RBM45: variants seen among roughly 807,000 people sequenced by gnomAD.
RBM45 encodes the protein RNA binding motif protein 45.
In RBM45, 39 loss-of-function variants were observed where a neutral mutation model predicts 58.5. The ratio of observed to expected loss-of-function variants is 0.67; its 90% confidence interval spans 0.52 to 0.87. The LOEUF (loss-of-function observed/expected upper bound fraction) is 0.87, where lower values mean the gene tolerates loss of function less well. Among genes scored for constraint, RBM45 ranks in the 40% least tolerant of loss-of-function variants. RBM45 has a pLI of 0.00. For synonymous variants in RBM45, 193 were observed against 203.0 expected (o/e 0.95, Z 0.42); for missense variants, 481 against 581.6 (o/e 0.83, Z 1.78).
At chr2:178,116,912 G>A (rs1020485242) in intron 2 of RBM45, among the ~76,000 whole-genome samples, 2 of 152,042 alleles carry the variant, frequency 1.3e-5, no homozygotes, top group African/African-American at 4.8e-5. Flanking sequence ...TCTTTGAAGA[G>A]TTTTTGTCCT....
At chr2:178,118,222 A>G in intron 3 of RBM45, 41 bp downstream of exon 3, 1 of 1,544,762 alleles carries the variant, frequency 6.5e-7, no homozygotes, top group Non-Finnish European at 8.8e-7. Flanking sequence ...TTTGTAAAAA[A>G]TTCTGATTAT....
chr2:178,131,734 A>G (rs1293738960), downstream of RBM45, among the ~76,000 whole-genome samples: 1 of 152,224 alleles, frequency 6.6e-6, no homozygotes, highest in Non-Finnish European at 1.5e-5. Flanking sequence ...TGCATGTCTC[A>G]GTAAACAATG....
chr2:178,135,193 T>TAC (rs2088035614), intron 3 of RBM45, among the ~76,000 whole-genome samples: 1 of 152,196 alleles, frequency 6.6e-6, no homozygotes, highest in South Asian at 2.1e-4. Context: ...AGAAGAAGAT[T>TAC]TTAATCTGTT....
At chr2:178,119,052 C>CA in intron 3 of RBM45, among the ~76,000 whole-genome samples, 1 of 151,736 alleles carries the variant, frequency 6.6e-6, no homozygotes. Context: ...ATCTAATAGG[C>CA]AAAAAATAAA....
At position 178,124,033 on chromosome 2, in the gene RBM45, A is replaced by G. The variant is rs2087892601; in HGVS notation, c.1069-94A>G. ...ATTTTCAGAGCTATTGTGGAAGACC[A>G]CATAGATGCCATGATACATATCTGT... is the stretch of plus-strand genomic sequence containing the variant. On this transcript the variant is annotated intron_variant, in intron 7 of 9. Coordinates refer to ENST00000286070, the MANE Select transcript of RBM45 (RefSeq NM_152945.4). 3.4e-6 allele frequency: 5 copies of G among 1,476,990 alleles called. No homozygotes were observed. The South Asian group carries it at 6.1e-5, about 18-fold the overall frequency. 91.5% of individuals were successfully genotyped at this position (1,476,990 alleles called of 1,614,324 possible).
At position 178,124,241 on chromosome 2, in the gene RBM45, G is replaced by A. The variant is rs1312401553; in HGVS notation, c.1183G>A (p.Val395Met). 6.2e-7 allele frequency: 1 copy of A among 1,603,128 alleles called. No individual in the cohort carries two copies. Among genetic ancestry groups the A allele is most frequent in the Admixed American group, 1.7e-5 (1 of 59,166 alleles). ...ETPVKERLFI[V>M]FNPHPLPLDV... Reference sequence around the variant, plus strand: ...TCCTGTGAAAGAAAGACTTTTTATTGTGTTTAATCCTCATCCTTTACCTTT... The same window carrying A: ...TCCTGTGAAAGAAAGACTTTTTATTATGTTTAATCCTCATCCTTTACCTTT... The change falls in exon 8 of 10, where the codon GTG (valine) becomes ATG (methionine). Residue 395 changes from valine (V) to methionine (M), a missense_variant. Coordinates refer to ENST00000286070, the MANE Select transcript of RBM45 (RefSeq NM_152945.4).
chr2:178,128,697 G>GA (rs1434925035), intron 9 of RBM45, among the ~76,000 whole-genome samples: 1 of 152,180 alleles, frequency 6.6e-6, no homozygotes, highest in East Asian at 1.9e-4. Flanking sequence ...CAGGTTAGTT[G>GA]AAAATGGCTG....
chr2:178,118,251 A>T, intron 3 of RBM45, 70 bp downstream of exon 3: 1 of 1,440,754 alleles, frequency 6.9e-7, no homozygotes, highest in Non-Finnish European at 9.4e-7. Flanking sequence ...GCTGAATTTA[A>T]TATTAGTTTT....
intron 3 of RBM45, among the ~76,000 whole-genome samples, chr2:178,119,635 A>G (rs1443057976): frequency 1.3e-5 from 2 of 152,232 alleles, no homozygotes; most frequent in Admixed American, 6.5e-5. Flanking sequence ...AAGAATTCAA[A>G]CTGGCTGGTT....
At chr2:178,136,913 C>T (rs1374553437) in exon 4 of RBM45, 3 of 152,164 alleles carry the variant, frequency 2.0e-5, no homozygotes. Flanking sequence ...TAGATAAACT[C>T]ATTGTGAAAT....
At chr2:178,123,687 T>C in intron 6 of RBM45, 36 bp downstream of exon 6, 2 of 1,587,764 alleles carry the variant, frequency 1.3e-6, no homozygotes, top group Non-Finnish European at 1.7e-6. Flanking sequence ...AAGCCGAGCT[T>C]TGAGTGTACA....
At position 178,124,317 on chromosome 2, in the gene RBM45, T is replaced by G. The variant is rs752243855; in HGVS notation, c.1232+27T>G. 3.6e-6 allele frequency: 5 copies of G among 1,383,378 alleles called. No homozygotes were observed. In the African/African-American group the frequency reaches 7.3e-5, roughly 20 times the overall value. 85.7% of individuals were successfully genotyped at this position (1,383,378 alleles called of 1,614,324 possible). A position where few individuals can be genotyped will look rare whatever the true frequency, so the allele number is the denominator to read the frequency against. On this transcript the variant is annotated intron_variant, in intron 8 of 9. Coordinates refer to ENST00000286070, the MANE Select transcript of RBM45 (RefSeq NM_152945.4). ...TAAGAAAGTTACATTTTTTGTTATA[T>G]TTTATTTACACTAGTAATTTAATTA...
At chr2:178,135,820 G>A (rs1022332819) in intron 3 of RBM45, among the ~76,000 whole-genome samples, 38 of 152,148 alleles carry the variant, frequency 2.5e-4, no homozygotes, top group South Asian at 6.2e-4. Flanking sequence ...GCAAACCCTC[G>A]TCTCTCAGGA....
downstream of RBM45, among the ~76,000 whole-genome samples, chr2:178,132,901 T>C (rs147173448): frequency 1.6e-3 from 241 of 152,300 alleles, no homozygotes; most frequent in African/African-American, 5.7e-3. Flanking sequence ...ACTGTGGTTC[T>C]TTAACTTTGG....
At position 178,123,563 on chromosome 2, in the gene RBM45, T is replaced by G. The variant is rs777525516; in HGVS notation, c.895T>G (p.Tyr299Asp). ...GTATTTTAATGTAGCATCAGCTATT[T>G]ATGCAAAATACAAATTACATGGATT... ...VQYFNVASAI[Y>D]AKYKLHGFQY... Residue 299 changes from tyrosine (Y) to aspartate (D), a missense_variant, in exon 6 of 10, where the codon TAT (tyrosine) becomes GAT (aspartate). Tyr to Asp is a radical substitution (Grantham distance 160, BLOSUM62 -3). Coordinates refer to ENST00000286070, the MANE Select transcript of RBM45 (RefSeq NM_152945.4). 6.2e-7 allele frequency: 1 copy of G among 1,606,230 alleles called. No individual in the cohort carries two copies. Among genetic ancestry groups the G allele is most frequent in the Non-Finnish European group, 8.5e-7 (1 of 1,177,566 alleles).
rs767114774 is a variant in RBM45, at chr2:178,124,180, A to G, written c.1122A>G (p.Val374=). ...SQLPQIQTDV[V]LPSCKKKAPA... ...TGCCTCAAATCCAGACAGATGTTGT[A>G]CTTCCATCATGCAAAAAAAAAGCTC... The change falls in exon 8 of 10, where the codon GTA becomes GTG. Residue 374 remains valine (V), a synonymous_variant. Coordinates refer to ENST00000286070, the MANE Select transcript of RBM45 (RefSeq NM_152945.4). 1.2e-6 allele frequency: 2 copies of G among 1,610,766 alleles called. No homozygotes were observed. Among genetic ancestry groups the G allele is most frequent in the Admixed American group, 3.4e-5 (2 of 59,576 alleles).
Position 178,112,472 on chromosome 2 carries a change from G to A in RBM45, c.-75G>A. 7.2e-7 allele frequency: 1 copy of A among 1,383,712 alleles called. No individual in the cohort carries two copies. The highest frequency in any genetic ancestry group is 1.0e-6 in the Non-Finnish European group (1 of 998,818). The allele number at this position is 1,383,712 out of a possible 1,614,324, so 85.7% of individuals were successfully genotyped here. A position where few individuals can be genotyped will look rare whatever the true frequency, so the allele number is the denominator to read the frequency against. On this transcript the variant is annotated 5_prime_UTR_variant, in exon 1 of 10. Transcript: ENST00000286070. ...CGGAGCACCGAGCCGGCAAAGGCTTGGGTGTGAGACAGCAGCGGTGGCAGA... is the reference window on the plus strand; with the variant it reads ...CGGAGCACCGAGCCGGCAAAGGCTTAGGTGTGAGACAGCAGCGGTGGCAGA...
rs1258337036 is a variant in RBM45 at position 178,126,747 on chromosome 2, C to T, written c.*8+563C>T. On this transcript the variant is annotated intron_variant, in intron 9 of 9. Transcript: ENST00000286070. ...AAACAATACATTCAGAAAATATTCT[C>T]GTATGCATATATGTATTTTTTAAGA... 2.6e-5 allele frequency among the ~76,000 whole-genome samples: 4 copies of T among 152,104 alleles called. No individual in the cohort carries two copies. The East Asian group carries it at 5.8e-4, about 22-fold the overall frequency.
At chr2:178,118,742 A>G (rs2087810410) in intron 3 of RBM45, among the ~76,000 whole-genome samples, 1 of 152,294 alleles carries the variant, frequency 6.6e-6, no homozygotes, top group Middle Eastern at 3.4e-3. Context: ...CTTTGTTGGT[A>G]TACTTCTAGT....
Sources: gnomAD v4.1 joint callset for allele counts (sites outside exome capture counted in the v4.1 genomes callset) on GRCh38, gnomAD v4.1.1 for gene constraint, MANE v1.5 for transcripts, NCBI Gene and HGNC (gene_info 2026-07-23, HGNC 2026-07-21) for gene names.